Variants in CNNM3 observed in about 807,000 individuals in gnomAD.
CNNM3 encodes cyclin and CBS domain divalent metal cation transport mediator 3, also known as metal transporter CNNM3.
In CNNM3, 47 loss-of-function variants were observed where a neutral mutation model predicts 57.1. The observed-to-expected ratio is 0.82, with a 90% CI of 0.65 to 1.05. The LOEUF (loss-of-function observed/expected upper bound fraction) is 1.05. CNNM3 is among the 50% of genes least tolerant of loss of function. CNNM3 has a pLI of 0.00. For synonymous variants in CNNM3, 507 were observed against 478.2 expected (o/e 1.06, Z -0.79); for missense variants, 957 against 973.7 (o/e 0.98, Z 0.23).
rs1029007868 is a variant in CNNM3 at position 96,816,802 on chromosome 2, G to A, written c.525G>A (p.Glu175=). The A allele has an allele frequency of 9.7e-7, 1 of 1,026,642 alleles. No individual in the cohort carries two copies. The highest frequency in any genetic ancestry group is 1.2e-6 in the Non-Finnish European group (1 of 859,628). The allele number at this position is 1,026,642 out of a possible 1,614,324, so 63.6% of individuals were successfully genotyped here. The change falls in exon 1 of 8, where the codon GAG becomes GAA. Residue 175 remains glutamate, a synonymous_variant. Coordinates refer to ENST00000305510, the MANE Select transcript of CNNM3 (RefSeq NM_017623.5). ...EVQVLRESGS[E]AERAAARRLE... is the part of the protein sequence containing the mutation. ...AGGTGCTGCGCGAGAGCGGCTCGGA[G>A]GCGGAGCGTGCGGCGGCGCGGCGTT...
chr2:96,835,492 G>A (rs937714108), downstream of CNNM3, among the ~76,000 whole-genome samples: 40 of 145,306 alleles, frequency 2.8e-4, 1 homozygote, highest in Non-Finnish European at 3.6e-4. Flanking sequence ...TTTTTGAGAC[G>A]GAGTCTCACT....
chr2:96,816,761 G>C lies in CNNM3; in HGVS notation c.484G>C (p.Ala162Pro). 2.0e-6 allele frequency: 2 copies of C among 1,019,110 alleles called. No homozygotes were observed. Among genetic ancestry groups the C allele is most frequent in the Non-Finnish European group, 2.3e-6 (2 of 854,298 alleles). The allele number at this position is 1,019,110 out of a possible 1,614,324, so 63.1% of individuals were successfully genotyped here. The change falls in exon 1 of 8, where the codon GCG becomes CCG. Residue 162 changes from alanine to proline, a missense_variant. By Grantham distance (27) the Ala-to-Pro change is conservative (BLOSUM62 -1). This residue lies in a region of CNNM3 where 466 missense variants were observed against 403.1 expected (regional missense o/e 1.16). Coordinates refer to ENST00000305510, the MANE Select transcript of CNNM3 (RefSeq NM_017623.5). Reference protein sequence around the residue: ...RGLQLSALALAPAEVQVLRES... With the variant: ...RGLQLSALALPPAEVQVLRES... Reference sequence around the variant, plus strand: ...CCTGCAGCTGAGCGCGCTGGCGCTGGCGCCTGCCGAGGTGCAGGTGCTGCG... The same window carrying C: ...CCTGCAGCTGAGCGCGCTGGCGCTGCCGCCTGCCGAGGTGCAGGTGCTGCG...
intron 1 of CNNM3, among the ~76,000 whole-genome samples, chr2:96,820,177 A>G (rs1244363999): frequency 6.6e-6 from 1 of 152,178 alleles, no homozygotes; most frequent in Admixed American, 6.5e-5. Flanking sequence ...TAACCTGAAC[A>G]AGGTTCATGG....
Position 96,825,048 on chromosome 2 carries a change from C to A in CNNM3, c.1226-10C>A, listed in dbSNP as rs553944303. 6.8e-6 allele frequency: 11 copies of A among 1,611,908 alleles called. No individual in the cohort carries two copies. Among genetic ancestry groups the A allele is most frequent in the African/African-American group, 1.3e-5 (1 of 74,834 alleles). ...CAGCAAGCTGTTCCATGAGTGTCCT[C>A]CCCCCACAGGGAAGTCCCACCTGGC... On this transcript the variant is annotated splice_polypyrimidine_tract_variant and intron_variant, in intron 1 of 7. Transcript: ENST00000305510.
intron 7 of CNNM3, among the ~76,000 whole-genome samples, chr2:96,831,446 A>C (rs1292967063): frequency 5.3e-5 from 8 of 152,176 alleles, no homozygotes; most frequent in Non-Finnish European, 2.9e-5. Context: ...AGACACAATA[A>C]TTTTAAATTG....
Position 96,832,926 on chromosome 2 carries a change from A to AGGGACAGTGC in CNNM3, c.*313_*322dup. 1 of 1,423,304 alleles carries AGGGACAGTGC rather than the reference A, an allele frequency of 7.0e-7. No homozygotes were observed. Among genetic ancestry groups the AGGGACAGTGC allele is most frequent in the South Asian group, 1.2e-5 (1 of 82,200 alleles). 88.2% of individuals were successfully genotyped at this position (1,423,304 alleles called of 1,614,324 possible). On this transcript the variant is annotated 3_prime_UTR_variant, in exon 8 of 8. Transcript: ENST00000305510. Reference sequence around the variant, plus strand: ...CAGCCTTCCCCTTCTCCCCCGGGGCAGGGACAGTGCGGCATATTCAGATTC... The same window carrying AGGGACAGTGC: ...CAGCCTTCCCCTTCTCCCCCGGGGCAGGGACAGTGCGGGACAGTGCGGCATATTCAGATTC...
At chr2:96,823,846 G>T (rs1312939375) in intron 1 of CNNM3, among the ~76,000 whole-genome samples, 4 of 152,176 alleles carry the variant, frequency 2.6e-5, no homozygotes, top group Non-Finnish European at 5.9e-5. Context: ...TGCCGCCCAG[G>T]CCGGCAGCCC....
At chr2:96,824,680 C>T (rs2079467398) in intron 1 of CNNM3, 1 of 214,868 alleles carries the variant, frequency 4.7e-6, no homozygotes, top group Non-Finnish European at 9.4e-6. Flanking sequence ...CCTTGTTAGC[C>T]TGCATGTGCA....
intron 1 of CNNM3, 122 bp downstream of exon 1, chr2:96,817,624 A>G (rs1162924247): frequency 3.2e-6 from 3 of 930,806 alleles, no homozygotes; most frequent in East Asian, 4.8e-5. Flanking sequence ...TGAGACCTCT[A>G]AGGTCCCTTT....
intron 7 of CNNM3, chr2:96,832,094 C>T (rs2079612963): frequency 1.0e-6 from 1 of 996,066 alleles, no homozygotes; most frequent in African/African-American, 1.7e-5. Flanking sequence ...CTCCCTGCCC[C>T]TTCACTTCCC....
intron 7 of CNNM3, among the ~76,000 whole-genome samples, chr2:96,830,585 G>C (rs994707597): frequency 6.6e-6 from 1 of 152,256 alleles, no homozygotes; most frequent in Non-Finnish European, 1.5e-5. Context: ...AGCCCCTGTG[G>C]GCTCCAGATC....
chr2:96,830,225 C>T (rs936303600), intron 7 of CNNM3, among the ~76,000 whole-genome samples: 2 of 152,198 alleles, frequency 1.3e-5, no homozygotes, highest in African/African-American at 4.8e-5. Context: ...GAGGGAGCTG[C>T]AGGCTTGCCT....
chr2:96,824,791 C>T (rs1379696746), intron 1 of CNNM3: 3 of 476,848 alleles, frequency 6.3e-6, no homozygotes, highest in Non-Finnish European at 1.1e-5. Context: ...GGAGCTGGAT[C>T]CCAGCTCTGC....
Position 96,826,823 on chromosome 2 carries a change from T to C in CNNM3, c.1370-10T>C, listed in dbSNP as rs751695696. 3.1e-6 allele frequency: 5 copies of C among 1,613,884 alleles called. No homozygotes were observed. The East Asian group carries it at 1.1e-4, about 36-fold the overall frequency. On this transcript the variant is annotated splice_polypyrimidine_tract_variant and intron_variant, in intron 2 of 7. Coordinates refer to ENST00000305510, the MANE Select transcript of CNNM3 (RefSeq NM_017623.5). ...CTGATGCCTGAGCGCGCCCTCTTCT[T>C]CCATCTTAGGAGACACCGTGGTGAA...
rs958410185 is a variant in CNNM3, at chr2:96,834,665, C to T, written c.*2049C>T. ...TGCCCAGATTCACAGAAGTTTCATA[C>T]ACCTTTCACCCAGGTTCCCCTAATG... On this transcript the variant is annotated 3_prime_UTR_variant, in exon 8 of 8. Coordinates refer to ENST00000305510, the MANE Select transcript of CNNM3 (RefSeq NM_017623.5). 1.3e-5 allele frequency among the ~76,000 whole-genome samples: 2 copies of T among 151,902 alleles called. No homozygotes were observed. The highest frequency in any genetic ancestry group is 3.9e-4 in the East Asian group (2 of 5,156).
intron 6 of CNNM3, 83 bp from the exon 7 acceptor site, chr2:96,828,913 C>T: frequency 6.3e-7 from 1 of 1,578,820 alleles, no homozygotes; most frequent in Non-Finnish European, 8.6e-7. Flanking sequence ...CCTCTGTCCT[C>T]TTCGGGCACG....
intron 6 of CNNM3, 39 bp from the exon 7 acceptor site, chr2:96,828,957 C>T (rs750307064): frequency 1.2e-6 from 2 of 1,606,296 alleles, no homozygotes; most frequent in South Asian, 2.2e-5. Context: ...CTGCATCTCG[C>T]TTCACCAATT....
At position 96,834,726 on chromosome 2, in the gene CNNM3, A is replaced by G. The variant is rs975203544; in HGVS notation, c.*2110A>G. 1.1e-4 allele frequency among the ~76,000 whole-genome samples: 17 copies of G among 152,156 alleles called. No individual in the cohort carries two copies. The highest frequency in any genetic ancestry group is 1.5e-5 in the Non-Finnish European group (1 of 68,028). ...ACATATAACCTTGGTACATTTATCA[A>G]AACTAAAGGTGCAATCATACTAATA... On this transcript the variant is annotated 3_prime_UTR_variant, in exon 8 of 8. Transcript: ENST00000305510.
At chr2:96,835,703 G>A (rs1462579958), downstream of CNNM3, among the ~76,000 whole-genome samples, 5 of 152,104 alleles carry the variant, frequency 3.3e-5, no homozygotes, top group African/African-American at 9.7e-5. Context: ...TCCTGACTTC[G>A]TGATCTGCCC....
Sources: allele counts gnomAD v4.1 joint callset (sites outside exome capture counted in the v4.1 genomes callset), GRCh38; gene constraint gnomAD v4.1.1; regional missense constraint gnomAD v4.1.1; transcripts MANE v1.5; gene names NCBI Gene and HGNC (gene_info 2026-07-23, HGNC 2026-07-21).